The following ASAP2 variants were observed in gnomAD, a reference collection of about 807,000 sequenced individuals.
ASAP2 encodes the protein arf-GAP with SH3 domain, ANK repeat and PH domain-containing protein 2.
In ASAP2, 45 loss-of-function variants were observed where a neutral mutation model predicts 131.4. The ratio of observed to expected loss-of-function variants is 0.34; its 90% CI spans 0.27 to 0.44. ASAP2 has a LOEUF of 0.44. Among genes scored for constraint, ASAP2 ranks in the 20% least tolerant of loss-of-function variants. The pLI, the probability that ASAP2 is intolerant of heterozygous loss-of-function variation, is 1.00. For synonymous variants in ASAP2, 510 were observed against 503.0 expected, an observed-to-expected ratio of 1.01 and a Z score of -0.19; for missense variants, 1,011 against 1,297.0, an observed-to-expected ratio of 0.78 and a Z score of 3.39.
At chr2:9,339,120 A>T (rs370648228) in intron 9 of ASAP2, among the ~76,000 whole-genome samples, 5 of 152,188 alleles carry the variant, frequency 3.3e-5, no homozygotes, top group Non-Finnish European at 7.3e-5. Context: ...TGGAGGTTGC[A>T]GTGAGCCAAA....
At chr2:9,291,801 G>A (rs1206445455) in intron 2 of ASAP2, among the ~76,000 whole-genome samples, 2 of 152,122 alleles carry the variant, frequency 1.3e-5, no homozygotes, top group South Asian at 2.1e-4. Flanking sequence ...GTAGCCATAA[G>A]GCTGGTGCAC....
At chr2:9,309,087 C>G (rs1483927291) in intron 3 of ASAP2, among the ~76,000 whole-genome samples, 1 of 152,250 alleles carries the variant, frequency 6.6e-6, no homozygotes, top group Admixed American at 6.5e-5. Flanking sequence ...CTCTGCCCCG[C>G]CTCCTTTGCG....
chr2:9,349,832 T>A (rs1672214564), intron 11 of ASAP2, among the ~76,000 whole-genome samples: 1 of 152,218 alleles, frequency 6.6e-6, no homozygotes, highest in Non-Finnish European at 1.5e-5. Context: ...GTTTCACAGG[T>A]CTGTCCAGGT....
chr2:9,348,907 GA>G (rs1672153652), intron 11 of ASAP2, among the ~76,000 whole-genome samples: 1 of 152,130 alleles, frequency 6.6e-6, no homozygotes, highest in South Asian at 2.1e-4. Flanking sequence ...GCCTTCCATG[GA>G]TACCCACGTC....
Position 9,388,365 on chromosome 2 carries a change from C to T in ASAP2, c.2202C>T (p.Asn734=), listed in dbSNP as rs554492566. 115 of 1,614,180 alleles carry T rather than the reference C, an allele frequency of 7.1e-5. No individual in the cohort carries two copies. Among genetic ancestry groups the T allele is most frequent in the Middle Eastern group, 1.6e-4 (1 of 6,062 alleles). ...TGGGCTCCAACCAGCTTCAGTCTAA[C>T]GCTGTATCTTTGGCCAGAGATGCTG... ...YQLGSNQLQS[N]AVSLARDAAN... is the part of the protein sequence containing the mutation. The change falls in exon 22 of 28, where the codon AAC becomes AAT. Residue 734 remains asparagine, a synonymous_variant. Coordinates refer to ENST00000281419, the MANE Select transcript of ASAP2 (RefSeq NM_003887.3).
intron 19 of ASAP2, among the ~76,000 whole-genome samples, chr2:9,379,471 G>A (rs1374840804): frequency 2.0e-5 from 3 of 152,094 alleles, no homozygotes; most frequent in African/African-American, 7.2e-5. Flanking sequence ...GCTGTTTACT[G>A]CCCTCTCCTT....
intron 24 of ASAP2, among the ~76,000 whole-genome samples, chr2:9,397,745 T>C (rs1176258330): frequency 1.1e-5 from 1 of 91,022 alleles, no homozygotes; most frequent in Non-Finnish European, 1.9e-5. Context: ...TATATATATA[T>C]ATATATTTTT....
chr2:9,223,041 A>G (rs1025456485), intron 1 of ASAP2, among the ~76,000 whole-genome samples: 2 of 152,136 alleles, frequency 1.3e-5, no homozygotes, highest in Non-Finnish European at 1.5e-5. Flanking sequence ...TCCCACTTTA[A>G]TTTGGGATTT....
chr2:9,395,348 A>G (rs989907842), intron 24 of ASAP2, among the ~76,000 whole-genome samples: 1 of 151,896 alleles, frequency 6.6e-6, no homozygotes, highest in Non-Finnish European at 1.5e-5. Context: ...GGTGGCATGC[A>G]CCTGTAATCC....
chr2:9,323,057 C>A, intron 5 of ASAP2, 64 bp from the exon 6 acceptor site: 1 of 1,603,122 alleles, frequency 6.2e-7, no homozygotes, highest in Non-Finnish European at 8.5e-7. Context: ...GGGGTGGCTT[C>A]AAGGCTGTCC....
chr2:9,368,184 T>C (rs1673628332), intron 15 of ASAP2, among the ~76,000 whole-genome samples: 1 of 152,250 alleles, frequency 6.6e-6, no homozygotes, highest in South Asian at 2.1e-4. Context: ...TGTCTCTGTC[T>C]GTACTCTATC....
At chr2:9,304,439 T>C (rs571129539) in intron 3 of ASAP2, among the ~76,000 whole-genome samples, 231 of 130,776 alleles carry the variant, frequency 1.8e-3, no homozygotes, top group South Asian at 0.016. Context: ...GGGATGTAGA[T>C]AGGGGGTGGA....
intron 1 of ASAP2, among the ~76,000 whole-genome samples, chr2:9,251,393 C>T (rs1489302543): frequency 6.6e-6 from 1 of 152,042 alleles, no homozygotes; most frequent in Admixed American, 6.6e-5. Flanking sequence ...CCTGTGGGGG[C>T]CCAGACCTGG....
intron 20 of ASAP2, among the ~76,000 whole-genome samples, chr2:9,382,034 A>T (rs1674893001): frequency 7.7e-6 from 1 of 129,648 alleles, no homozygotes; most frequent in Non-Finnish European, 1.5e-5. Context: ...CCCAGGCTGG[A>T]GTGCAGTGAC....
Position 9,403,466 on chromosome 2 carries a change from C to G in ASAP2, c.*139C>G. 1 of 696,928 alleles carries G rather than the reference C, an allele frequency of 1.4e-6. No individual in the cohort carries two copies. Among genetic ancestry groups the G allele is most frequent in the East Asian group, 2.9e-5 (1 of 34,026 alleles). 43.2% of individuals were successfully genotyped at this position (696,928 alleles called of 1,614,324 possible). Reference sequence around the variant, plus strand: ...ATGCCACTGCTCTGTTTTAAAAACTCAGAGGCAATTTTTACATATCAGTAA... The same window carrying G: ...ATGCCACTGCTCTGTTTTAAAAACTGAGAGGCAATTTTTACATATCAGTAA... On this transcript the variant is annotated 3_prime_UTR_variant, in exon 28 of 28. Transcript: ENST00000281419.
chr2:9,314,066 C>G (rs959926253), intron 3 of ASAP2, among the ~76,000 whole-genome samples: 1 of 152,174 alleles, frequency 6.6e-6, no homozygotes, highest in Non-Finnish European at 1.5e-5. Flanking sequence ...TCACTGCAAC[C>G]TCCGCCTCCT....
At chr2:9,235,103 C>T (rs867519942) in intron 1 of ASAP2, among the ~76,000 whole-genome samples, 18 of 152,218 alleles carry the variant, frequency 1.2e-4, no homozygotes, top group South Asian at 2.1e-4. Context: ...TGTCCCCGCC[C>T]GACATATGCC....
In ASAP2 at chr2:9,344,535, T is replaced by C. The variant is rs1020353303; in HGVS notation, c.853T>C (p.Ser285Pro). 9 of 1,613,274 alleles carry C rather than the reference T, an allele frequency of 5.6e-6. No individual in the cohort carries two copies. Among genetic ancestry groups the C allele is most frequent in the South Asian group, 1.1e-5 (1 of 90,936 alleles). The change falls in exon 10 of 28, where the codon TCC becomes CCC. Residue 285 changes from serine to proline, a missense_variant. Ser to Pro is a moderately conservative substitution (Grantham distance 74). This residue lies in a region of ASAP2 where 359 missense variants were observed against 598.1 expected (regional missense o/e 0.60). Transcript: ENST00000281419. ...SALQVEQKED[S>P]QIRQSTAYSL... ...CACACTCTTCACCATTTTTTAGGAC[T>C]CCCAAATTCGTCAGAGCACAGCTTA...
chr2:9,317,514 A>G (rs1018851715), intron 3 of ASAP2, among the ~76,000 whole-genome samples: 1 of 142,380 alleles, frequency 7.0e-6, no homozygotes, highest in African/African-American at 2.6e-5. Flanking sequence ...CACCCCCACA[A>G]TCACACCCCA....
Sources: allele counts gnomAD v4.1 joint callset (sites outside exome capture counted in the v4.1 genomes callset), GRCh38; gene constraint gnomAD v4.1.1; regional missense constraint gnomAD v4.1.1; transcripts MANE v1.5; gene names NCBI Gene and HGNC (gene_info 2026-07-23, HGNC 2026-07-21).